Variants in CNTFR observed in about 807,000 individuals in gnomAD.
CNTFR encodes ciliary neurotrophic factor receptor subunit alpha.
A neutral mutation model predicts 40.4 loss-of-function variants in CNTFR; 12 were observed. That is an observed-to-expected ratio of 0.30 (90% CI 0.19 to 0.48). CNTFR has a LOEUF of 0.48. Ranked by LOEUF, CNTFR falls within the 20% of genes least tolerant of loss-of-function variation. The pLI, the probability that CNTFR is intolerant of heterozygous loss-of-function variation, is 0.99. For synonymous variants in CNTFR, 202 were observed against 209.6 expected (o/e 0.96, Z 0.31); for missense variants, 414 against 506.8 (o/e 0.82, Z 1.76).
Position 34,552,750 on chromosome 9 carries a change from A to G in CNTFR, c.873T>C (p.Ser291=). 1.9e-6 allele frequency: 3 copies of G among 1,613,406 alleles called. No individual in the cohort carries two copies. Among genetic ancestry groups the G allele is most frequent in the Non-Finnish European group, 2.5e-6 (3 of 1,179,826 alleles). The part of the protein sequence containing the change: ...AAKDNEIGTW[S]DWSVAAHATP... ...TAGCGTGGGCGGCTACGCTCCAGTC[A>G]CTCCATGTCCCAATCTCATTGTCCT... Residue 291 remains serine (S), a synonymous_variant, in exon 8 of 10, where the codon AGT becomes AGC. Coordinates refer to ENST00000378980, the MANE Select transcript of CNTFR (RefSeq NM_147164.3). The surrounding 1 kb of genome is among the most constrained non-coding windows in gnomAD (Gnocchi z 5.1).
chr9:34,568,940 G>T lies in CNTFR; in HGVS notation c.42C>A (p.Ala14=), dbSNP rs200191904. ...PVPWACCAVL[A]AAAAVVYAQR... is the part of the protein sequence containing the mutation. Reference sequence around the variant, plus strand: ...GGGCGTAGACAACTGCGGCGGCGGCGGCAAGCACAGCACAGCAGGCCCACG... The same window carrying T: ...GGGCGTAGACAACTGCGGCGGCGGCTGCAAGCACAGCACAGCAGGCCCACG... Residue 14 remains alanine (A), a synonymous_variant, in exon 3 of 10, where the codon GCC becomes GCA. Coordinates refer to ENST00000378980, the MANE Select transcript of CNTFR (RefSeq NM_147164.3). The T allele has an allele frequency of 6.2e-7, 1 of 1,601,830 alleles. No individual in the cohort carries two copies.
At chr9:34,556,019 G>C (rs894948987) in intron 7 of CNTFR, among the ~76,000 whole-genome samples, 6 of 145,808 alleles carry the variant, frequency 4.1e-5, no homozygotes, top group African/African-American at 1.5e-4. Flanking sequence ...CACGACCCCA[G>C]GGAGCCACAG....
chr9:34,573,568 C>T (rs929755434), intron 2 of CNTFR, among the ~76,000 whole-genome samples: 1 of 152,102 alleles, frequency 6.6e-6, no homozygotes, highest in Non-Finnish European at 1.5e-5. Context: ...CATTGCCAGG[C>T]GTCAGGGTGG....
At chr9:34,588,534 C>T (rs1827633257) in intron 1 of CNTFR, among the ~76,000 whole-genome samples, 1 of 152,234 alleles carries the variant, frequency 6.6e-6, no homozygotes, top group Non-Finnish European at 1.5e-5. Context: ...GAGACACACT[C>T]CTACAGCGGC....
In CNTFR at chr9:34,589,176, A is replaced by C. The variant is rs892291126; in HGVS notation, c.-112+379T>G. 6.6e-6 allele frequency among the ~76,000 whole-genome samples: 1 copy of C among 152,068 alleles called. No individual in the cohort carries two copies. Among genetic ancestry groups the C allele is most frequent in the Non-Finnish European group, 1.5e-5 (1 of 67,998 alleles). ...AAGTCCAGATTTCTGCCCGAGAAAG[A>C]AGCCACCTTTGGGCGCGCAAAGGCC... is the stretch of plus-strand genomic sequence containing the variant. On this transcript the variant is annotated intron_variant, in intron 1 of 9. Coordinates refer to ENST00000378980, the MANE Select transcript of CNTFR (RefSeq NM_147164.3). This position sits in a 1 kb window ranked among gnomAD's most constrained non-coding sequence, Gnocchi z 4.4.
At chr9:34,572,026 C>T (rs928656082) in intron 2 of CNTFR, among the ~76,000 whole-genome samples, 2 of 152,076 alleles carry the variant, frequency 1.3e-5, no homozygotes, top group African/African-American at 4.8e-5. Flanking sequence ...CCCAGCTCCT[C>T]TAGCACAATG....
rs919044531 is a variant in CNTFR at position 34,589,339 on chromosome 9, G to A, written c.-112+216C>T. 2.6e-5 allele frequency among the ~76,000 whole-genome samples: 4 copies of A among 151,938 alleles called. No homozygotes were observed. Among genetic ancestry groups the A allele is most frequent in the South Asian group, 2.1e-4 (1 of 4,822 alleles). ...CAGTCGGCCCCACCACCACCACCAC[G>A]CCCAACCCCCGGAGCGCCCGGACGT... is the stretch of plus-strand genomic sequence containing the variant. On this transcript the variant is annotated intron_variant, in intron 1 of 9. Transcript: ENST00000378980. The surrounding 1 kb of genome is among the most constrained non-coding windows in gnomAD (Gnocchi z 4.4).
In CNTFR at chr9:34,557,576, T is replaced by C. The variant is rs777081784; in HGVS notation, c.554A>G (p.Asn185Ser). ...AGCTGTGGCATTGTGGCCCAGGGCA[T>C]TGCTGACACTTATGGAGACCTTGTA... ...IKYKVSISVS[N>S]ALGHNATAIT... Residue 185 changes from asparagine to serine, a missense_variant, in exon 6 of 10, where the codon AAT becomes AGT. Transcript: ENST00000378980. This position sits in a 1 kb window ranked among gnomAD's most constrained non-coding sequence, Gnocchi z 4.2. 1.7e-5 allele frequency: 27 copies of C among 1,614,174 alleles called. No homozygotes were observed. Among genetic ancestry groups the C allele is most frequent in the Non-Finnish European group, 2.3e-5 (27 of 1,180,028 alleles).
At chr9:34,586,541 C>T (rs1024170575) in intron 1 of CNTFR, among the ~76,000 whole-genome samples, 9 of 152,066 alleles carry the variant, frequency 5.9e-5, no homozygotes, top group African/African-American at 1.7e-4. Context: ...GTGTATGGGG[C>T]GGGGGAGATG....
At chr9:34,577,844 A>T (rs1827061826) in intron 2 of CNTFR, among the ~76,000 whole-genome samples, 1 of 151,958 alleles carries the variant, frequency 6.6e-6, no homozygotes, top group African/African-American at 2.4e-5. Context: ...AAGAGAAAAG[A>T]AGAGAGACAG....
At chr9:34,579,230 A>AG (rs34879140) in intron 2 of CNTFR, among the ~76,000 whole-genome samples, 8 of 150,996 alleles carry the variant, frequency 5.3e-5, no homozygotes, top group African/African-American at 2.0e-4. Flanking sequence ...CGGGGGAGGG[A>AG]GGGGGATCCA....
In CNTFR at chr9:34,589,032, T is replaced by C. The variant is rs1191097287; in HGVS notation, c.-112+523A>G. Among the ~76,000 whole-genome samples, 2 of 151,826 alleles carry C rather than the reference T, an allele frequency of 1.3e-5. No homozygotes were observed. The highest frequency in any genetic ancestry group is 2.9e-5 in the Non-Finnish European group (2 of 67,956). On this transcript the variant is annotated intron_variant, in intron 1 of 9. Transcript: ENST00000378980. The surrounding 1 kb of genome is among the most constrained non-coding windows in gnomAD (Gnocchi z 4.4). ...TCCAGGCGGACTGAAGAGAAAACCA[T>C]GGGGACGCCGACCGACACACACATG... is the stretch of plus-strand genomic sequence containing the variant.
chr9:34,568,792 T>C (rs966170494), intron 3 of CNTFR, 105 bp downstream of exon 3: 1 of 1,003,428 alleles, frequency 1.0e-6, no homozygotes, highest in African/African-American at 1.6e-5. Context: ...TGTGTGACAA[T>C]GCCAGTGTGT....
chr9:34,563,956 C>T lies in CNTFR; in HGVS notation c.319+643G>A, dbSNP rs967665573. On this transcript the variant is annotated intron_variant, in intron 4 of 9. Coordinates refer to ENST00000378980, the MANE Select transcript of CNTFR (RefSeq NM_147164.3). ...CCAGCTTGCAGGATCATGATCTGCC[C>T]CCCGTCCCTTCCTTCAGCTCCCTCT... is the stretch of plus-strand genomic sequence containing the variant. Among the ~76,000 whole-genome samples, 7 of 152,158 alleles carry T rather than the reference C, an allele frequency of 4.6e-5. No individual in the cohort carries two copies. In the East Asian group the frequency reaches 1.3e-3, roughly 29 times the overall value.
chr9:34,558,085 A>T, intron 4 of CNTFR, 101 bp from the exon 5 acceptor site: 1 of 811,250 alleles, frequency 1.2e-6, no homozygotes, highest in South Asian at 3.5e-5. Context: ...TCCCCCCTCA[A>T]CCCATCATTG....
At chr9:34,576,574 C>G (rs1192514510) in intron 2 of CNTFR, among the ~76,000 whole-genome samples, 1 of 152,336 alleles carries the variant, frequency 6.6e-6, no homozygotes, top group South Asian at 2.1e-4. Context: ...GGAAATACTT[C>G]GTTGGTCCCT....
At chr9:34,574,616 C>G (rs536119343) in intron 2 of CNTFR, among the ~76,000 whole-genome samples, 10 of 152,170 alleles carry the variant, frequency 6.6e-5, no homozygotes, top group Non-Finnish European at 1.3e-4. Flanking sequence ...CCCCAGCTCT[C>G]GACGCTGGCT....
rs761863333 is a variant in CNTFR at position 34,557,645 on chromosome 9, T to C, written c.485A>G (p.Asn162Ser). The change falls in exon 6 of 10, where the codon AAC becomes AGC. Residue 162 changes from asparagine to serine, a missense_variant. By Grantham distance (46) the Asn-to-Ser change is conservative (BLOSUM62 1). Coordinates refer to ENST00000378980, the MANE Select transcript of CNTFR (RefSeq NM_147164.3). This position sits in a 1 kb window ranked among gnomAD's most constrained non-coding sequence, Gnocchi z 4.2. ...MVCEKDPALK[N>S]RCHIRYMHLF... is the part of the protein sequence containing the mutation. ...GTGCATGTAGCGAATGTGGCAGCGG[T>C]TCTTGAGGGCTGGGTCCTTCTCACA... is the stretch of plus-strand genomic sequence containing the variant. The C allele has an allele frequency of 6.2e-7, 1 of 1,614,132 alleles. No homozygotes were observed. The highest frequency in any genetic ancestry group is 8.5e-7 in the Non-Finnish European group (1 of 1,180,016).
chr9:34,578,271 A>ACGAGCAAG lies in CNTFR; in HGVS notation c.-1+2816_-1+2823dup, dbSNP rs1303912046. Reference sequence around the variant, plus strand: ...GGAGGAAGGAGCGCGCTGCAAGCGAACGAGCAAGCGAGCAAGCGAGCTAGC... The same window carrying ACGAGCAAG: ...GGAGGAAGGAGCGCGCTGCAAGCGAACGAGCAAGCGAGCAAGCGAGCAAGCGAGCTAGC... On this transcript the variant is annotated intron_variant, in intron 2 of 9. Transcript: ENST00000378980. Among the ~76,000 whole-genome samples the ACGAGCAAG allele has an allele frequency of 3.5e-4, 53 of 152,318 alleles. No homozygotes were observed. In the South Asian group the frequency reaches 6.6e-3, roughly 19 times the overall value.
Sources: gnomAD v4.1 joint callset for allele counts (sites outside exome capture counted in the v4.1 genomes callset) on GRCh38, gnomAD v4.1.1 for gene constraint, Gnocchi (gnomAD v3.1) non-coding constraint, MANE v1.5 for transcripts, NCBI Gene and HGNC (gene_info 2026-07-23, HGNC 2026-07-21) for gene names.